Variants in TMEM17 observed in about 807,000 individuals in gnomAD.
The protein encoded by TMEM17 is transmembrane protein 17.
In TMEM17, 15 loss-of-function variants were observed where a neutral mutation model predicts 19.1. The ratio of observed to expected loss-of-function variants is 0.78; its 90% CI spans 0.52 to 1.21. The LOEUF (loss-of-function observed/expected upper bound fraction) is 1.21, where lower values mean the gene tolerates loss of function less well. Among genes scored for constraint, TMEM17 ranks in the 50% most tolerant of loss-of-function variants. The pLI is 0.00. For missense variants in TMEM17, 245 were observed against 242.3 expected, an observed-to-expected ratio of 1.01 and a Z score of -0.07; for synonymous variants, 103 against 86.9, an observed-to-expected ratio of 1.19 and a Z score of -1.03.
the TMEM17 span, among the ~76,000 whole-genome samples, chr2:62,480,886 G>A: frequency 6.6e-6 from 1 of 152,028 alleles, no homozygotes; most frequent in Non-Finnish European, 1.5e-5. Context: ...TTTCCCTGAG[G>A]AGGCTATTCA....
chr2:62,496,848 A>T (rs72805584), downstream of TMEM17, among the ~76,000 whole-genome samples: 9,735 of 152,320 alleles, frequency 0.064, 436 homozygotes, highest in Middle Eastern at 0.092. Context: ...CTGTAATCCC[A>T]GTACCTTAGG....
At chr2:62,505,862 T>C (rs1250838238) in intron 1 of TMEM17, among the ~76,000 whole-genome samples, 168 bp downstream of exon 1, 1 of 152,152 alleles carries the variant, frequency 6.6e-6, no homozygotes, top group Non-Finnish European at 1.5e-5. Flanking sequence ...CGCCAGCGCC[T>C]CAGCTCCCTG....
At chr2:62,498,482 C>G (rs926089192), downstream of TMEM17, among the ~76,000 whole-genome samples, 2 of 150,162 alleles carry the variant, frequency 1.3e-5, no homozygotes, top group Non-Finnish European at 3.0e-5. Context: ...TTTGGGAGGC[C>G]GAGGCGGGCG....
the TMEM17 span, among the ~76,000 whole-genome samples, chr2:62,473,303 A>G: frequency 6.6e-6 from 1 of 152,192 alleles, no homozygotes; most frequent in Non-Finnish European, 1.5e-5. Flanking sequence ...CAAAACCCAG[A>G]ATCCAGAGTA....
intron 1 of TMEM17, among the ~76,000 whole-genome samples, chr2:62,503,427 A>G (rs1679985731): frequency 6.6e-6 from 1 of 152,186 alleles, no homozygotes; most frequent in South Asian, 2.1e-4. Context: ...CCTCCCCAAA[A>G]AACAGTCTGG....
the TMEM17 span, among the ~76,000 whole-genome samples, chr2:62,494,834 T>G: frequency 3.9e-5 from 6 of 152,036 alleles, no homozygotes; most frequent in Admixed American, 3.3e-4. Flanking sequence ...AAACCCCGTC[T>G]CTACTAAACA....
the TMEM17 span, among the ~76,000 whole-genome samples, chr2:62,465,750 A>G: frequency 6.6e-6 from 1 of 152,156 alleles, no homozygotes; most frequent in African/African-American, 2.4e-5. Flanking sequence ...TTGTTATTTG[A>G]CTTGAAAAAT....
At chr2:62,481,862 A>G in the TMEM17 span, among the ~76,000 whole-genome samples, 1 of 152,116 alleles carries the variant, frequency 6.6e-6, no homozygotes, top group South Asian at 2.1e-4. Context: ...TGCAGGTGAG[A>G]AAAAGGACAA....
At chr2:62,482,163 AC>A in the TMEM17 span, among the ~76,000 whole-genome samples, 1 of 152,210 alleles carries the variant, frequency 6.6e-6, no homozygotes, top group Non-Finnish European at 1.5e-5. Flanking sequence ...AATCTCACAC[AC>A]GAGTTTCTCT....
At chr2:62,505,225 G>A (rs1680034809) in intron 1 of TMEM17, among the ~76,000 whole-genome samples, 1 of 152,134 alleles carries the variant, frequency 6.6e-6, no homozygotes, top group African/African-American at 2.4e-5. Context: ...ACATGGGTTT[G>A]GTTGACAGTG....
the TMEM17 span, among the ~76,000 whole-genome samples, chr2:62,493,740 C>T: frequency 6.6e-6 from 1 of 152,144 alleles, no homozygotes; most frequent in African/African-American, 2.4e-5. Context: ...TCAAATGTGG[C>T]AACAATGACT....
the TMEM17 span, among the ~76,000 whole-genome samples, chr2:62,469,655 T>C: frequency 6.6e-6 from 1 of 152,252 alleles, no homozygotes; most frequent in Non-Finnish European, 1.5e-5. Flanking sequence ...GTTTGAAGAC[T>C]ATCTGGCTGT....
At chr2:62,489,992 C>G in the TMEM17 span, among the ~76,000 whole-genome samples, 1 of 151,972 alleles carries the variant, frequency 6.6e-6, no homozygotes, top group African/African-American at 2.4e-5. Context: ...CTAGCCAACA[C>G]AGTGAAACCC....
chr2:62,463,162 T>TG, the TMEM17 span: 1 of 152,222 alleles, frequency 6.6e-6, no homozygotes, highest in African/African-American at 2.4e-5. Context: ...ACTGTGTGTC[T>TG]GGGGGAGAAG....
the TMEM17 span, among the ~76,000 whole-genome samples, chr2:62,487,352 G>C: frequency 2.6e-5 from 4 of 151,974 alleles, no homozygotes; most frequent in African/African-American, 9.7e-5. Flanking sequence ...CCTCATTTCG[G>C]TTCTCTTGTG....
At chr2:62,477,239 A>G in the TMEM17 span, among the ~76,000 whole-genome samples, 2 of 152,170 alleles carry the variant, frequency 1.3e-5, no homozygotes, top group Non-Finnish European at 2.9e-5. Context: ...TCTACTAAAA[A>G]TACAAAAATT....
At chr2:62,498,996 T>C (rs1679850569), downstream of TMEM17, among the ~76,000 whole-genome samples, 1 of 152,118 alleles carries the variant, frequency 6.6e-6, no homozygotes, top group African/African-American at 2.4e-5. Context: ...CAATAGAAAA[T>C]ATTGGTTCAG....
the TMEM17 span, among the ~76,000 whole-genome samples, chr2:62,465,223 A>T: frequency 6.6e-6 from 1 of 152,192 alleles, no homozygotes; most frequent in East Asian, 1.9e-4. Flanking sequence ...GAGAAGCAAG[A>T]TGGAGTTGGT....
the TMEM17 span, among the ~76,000 whole-genome samples, chr2:62,455,384 C>A: frequency 2.0e-5 from 3 of 152,200 alleles, no homozygotes; most frequent in Non-Finnish European, 4.4e-5. Context: ...TAGGTTTGGG[C>A]AGCTATGAAT....
Sources: allele counts gnomAD v4.1 joint callset (sites outside exome capture counted in the v4.1 genomes callset), GRCh38; gene constraint gnomAD v4.1.1; transcripts MANE v1.5; gene names NCBI Gene and HGNC (gene_info 2026-07-23, HGNC 2026-07-21).